The following TP73 variants were observed in gnomAD, a reference collection of about 807,000 sequenced individuals.
The protein encoded by TP73 is p53-like transcription factor.
Under a neutral mutation model 62.5 loss-of-function variants are expected in TP73, and 25 were observed. The observed-to-expected ratio is 0.40, with a 90% CI of 0.29 to 0.56. TP73 has a LOEUF of 0.56. TP73 is among the 20% of genes least tolerant of loss of function. TP73 has a pLI of 0.46. For missense variants in TP73, 754 were observed against 913.3 expected, an observed-to-expected ratio of 0.83 and a Z score of 2.25; for synonymous variants, 423 against 377.5, an observed-to-expected ratio of 1.12 and a Z score of -1.40.
intron 1 of TP73, among the ~76,000 whole-genome samples, chr1:3,657,232 C>T (rs1263951136): frequency 2.6e-5 from 4 of 152,158 alleles, no homozygotes; most frequent in South Asian, 2.1e-4. Context: ...CGGGTTCCCT[C>T]GGAGGCTCTG....
intron 7 of TP73, 108 bp from the exon 8 acceptor site, chr1:3,727,520 C>G (rs1416384139): frequency 6.8e-7 from 1 of 1,463,408 alleles, no homozygotes; most frequent in Non-Finnish European, 9.2e-7. Context: ...CTGTGGTGAC[C>G]GAGGGCTCTC....
chr1:3,690,653 G>A, intron 3 of TP73: 1 of 1,394,478 alleles, frequency 7.2e-7, no homozygotes, highest in Non-Finnish European at 9.3e-7. Flanking sequence ...TAAAGGGGTG[G>A]GCCGCGGGTT....
chr1:3,686,275 A>G (rs950679756), intron 3 of TP73, among the ~76,000 whole-genome samples: 17 of 152,380 alleles, frequency 1.1e-4, no homozygotes, highest in African/African-American at 4.1e-4. Context: ...AACCACGAGC[A>G]GGCAGATTGG....
chr1:3,729,466 C>T lies in TP73; in HGVS notation c.1196+18C>T, dbSNP rs1029668473. The T allele has an allele frequency of 1.9e-6, 3 of 1,612,334 alleles. No homozygotes were observed. Among genetic ancestry groups the T allele is most frequent in the South Asian group, 2.2e-5 (2 of 91,058 alleles). ...CAGAGGCCGTGAGTCAGCCCTAGCC[C>T]ACCATCAGTGTGGGGAAGGAGGACA... On this transcript the variant is annotated intron_variant, in intron 10 of 13. Transcript: ENST00000378295.
At chr1:3,732,706 G>C in intron 13 of TP73, 41 bp from the exon 14 acceptor site, 1 of 1,524,172 alleles carries the variant, frequency 6.6e-7, no homozygotes, top group Non-Finnish European at 8.8e-7. Context: ...TGCTCTCCCT[G>C]CTCCACTGCC....
chr1:3,687,209 C>T (rs1645680760), intron 3 of TP73, among the ~76,000 whole-genome samples: 1 of 152,152 alleles, frequency 6.6e-6, no homozygotes, highest in African/African-American at 2.4e-5. Flanking sequence ...AGCCTGTGGC[C>T]CGGGCCTCCC....
In TP73 at chr1:3,692,774, G is replaced by A. The variant is rs149222697; in HGVS notation, c.186+9594G>A. Among the ~76,000 whole-genome samples the A allele has an allele frequency of 1.6e-3, 245 of 152,222 alleles. 1 individual carries two copies. Among genetic ancestry groups the A allele is most frequent in the Non-Finnish European group, 2.6e-3 (174 of 68,012 alleles). On this transcript the variant is annotated intron_variant, in intron 3 of 13. Transcript: ENST00000378295. ...TTGAATGGAGCAGATGTCACCATGT[G>A]ACTCACCCTCTCGGGGGACTCCACC...
Position 3,691,658 on chromosome 1 carries a change from C to T in TP73, c.186+8478C>T, listed in dbSNP as rs568631472. On this transcript the variant is annotated intron_variant, in intron 3 of 13. Transcript: ENST00000378295. ...ACTTGCCAGGTCCCTGGGGGCCAGG[C>T]AGGCACCAGCTGCTAATTGAGAAGG... 3.9e-5 allele frequency among the ~76,000 whole-genome samples: 6 copies of T among 152,292 alleles called. No homozygotes were observed. In the South Asian group the frequency reaches 1.2e-3, roughly 32 times the overall value.
At chr1:3,718,646 C>T (rs573452130) in intron 4 of TP73, among the ~76,000 whole-genome samples, 2 of 152,222 alleles carry the variant, frequency 1.3e-5, no homozygotes, top group African/African-American at 4.8e-5. Context: ...CGACGGCTGC[C>T]GGGGCCTCTG....
At chr1:3,671,831 G>A (rs1645247130) in intron 1 of TP73, among the ~76,000 whole-genome samples, 1 of 152,194 alleles carries the variant, frequency 6.6e-6, no homozygotes, top group African/African-American at 2.4e-5. Flanking sequence ...GCTGCCTCTG[G>A]AAGGAGTGAG....
intron 3 of TP73, among the ~76,000 whole-genome samples, chr1:3,698,361 T>G (rs1638853019): frequency 6.6e-6 from 1 of 152,154 alleles, no homozygotes; most frequent in South Asian, 2.1e-4. Flanking sequence ...GGTGGTTAAA[T>G]AAAGTCTGTG....
At chr1:3,679,644 G>GTC (rs377716448) in intron 1 of TP73, among the ~76,000 whole-genome samples, 5 of 144,446 alleles carry the variant, frequency 3.5e-5, no homozygotes, top group South Asian at 2.2e-4. Context: ...CTCTGTCTCT[G>GTC]TCTCTCTCTC....
Position 3,662,046 on chromosome 1 carries a change from G to A in TP73, c.-34+9405G>A, listed in dbSNP as rs1645005842. 6.7e-6 allele frequency: 1 copy of A among 148,322 alleles called. No homozygotes were observed. The highest frequency in any genetic ancestry group is 1.5e-5 in the Non-Finnish European group (1 of 67,210). The allele number at this position is 148,322 out of a possible 1,614,324, so 9.2% of individuals were successfully genotyped here. A position where few individuals can be genotyped will look rare whatever the true frequency, so the allele number is the denominator to read the frequency against. On this transcript the variant is annotated intron_variant, in intron 1 of 13. Coordinates refer to ENST00000378295, the MANE Select transcript of TP73 (RefSeq NM_005427.4). The surrounding 1 kb of genome is among the most constrained non-coding windows in gnomAD (Gnocchi z 4.4). ...TGCACTCTAGCCTGGGTGACAGAGT[G>A]AGACCCTGTCTCAAAAAAAAAAAGA...
At chr1:3,690,967 A>G in intron 3 of TP73, 1 of 1,571,794 alleles carries the variant, frequency 6.4e-7, no homozygotes, top group South Asian at 1.2e-5. Context: ...CGCCATTCAT[A>G]GGATCTCTTC....
chr1:3,708,039 A>T (rs1639822579), intron 4 of TP73: 1 of 602,908 alleles, frequency 1.7e-6, no homozygotes, highest in South Asian at 2.0e-5. Context: ...GAGGGGACGG[A>T]CTTGGCCCTG....
chr1:3,709,432 C>T (rs149256017), intron 4 of TP73, among the ~76,000 whole-genome samples: 12 of 152,336 alleles, frequency 7.9e-5, no homozygotes, highest in Non-Finnish European at 1.8e-4. Flanking sequence ...ATGGGAAGAC[C>T]GTGCCAGGGC....
intron 4 of TP73, among the ~76,000 whole-genome samples, chr1:3,711,082 C>T (rs1640102665): frequency 6.6e-6 from 1 of 152,214 alleles, no homozygotes; most frequent in South Asian, 2.1e-4. Context: ...CCAGAGCTGC[C>T]CGTGAGCACC....
intron 1 of TP73, among the ~76,000 whole-genome samples, chr1:3,656,205 T>C (rs1262729721): frequency 6.6e-6 from 1 of 152,004 alleles, no homozygotes; most frequent in Non-Finnish European, 1.5e-5. Context: ...CCTCTGCTCA[T>C]TGGCATTTGA....
At chr1:3,732,121 G>A (rs564129642) in intron 13 of TP73, among the ~76,000 whole-genome samples, 1 of 152,324 alleles carries the variant, frequency 6.6e-6, no homozygotes, top group African/African-American at 2.4e-5. Flanking sequence ...CGTCAGTCAA[G>A]GAAGAGCAAG....
Sources: allele counts gnomAD v4.1 joint callset (sites outside exome capture counted in the v4.1 genomes callset), GRCh38; gene constraint gnomAD v4.1.1; non-coding constraint Gnocchi (gnomAD v3.1); transcripts MANE v1.5; gene names NCBI Gene and HGNC (gene_info 2026-07-23, HGNC 2026-07-21).